Variants in ITPR2 observed in about 807,000 individuals in gnomAD.
ITPR2 encodes the protein inositol 1,4,5-trisphosphate-gated calcium channel ITPR2.
A neutral mutation model predicts 317.1 loss-of-function variants in ITPR2; 207 were observed. The observed-to-expected ratio is 0.65, with a 90% CI of 0.58 to 0.73. The LOEUF is 0.73. Ranked by LOEUF, ITPR2 falls within the 30% of genes least tolerant of loss-of-function variation. The probability of loss-of-function intolerance (pLI) is 0.00; values close to 1 mark genes in which losing one functional copy is unlikely to be tolerated. For synonymous variants in ITPR2, 1,156 were observed against 1,149.1 expected, an observed-to-expected ratio of 1.01 and a Z score of -0.12; for missense variants, 2,613 against 3,284.0, an observed-to-expected ratio of 0.80 and a Z score of 4.99.
chr12:26,414,764 C>T (rs981142110), intron 51 of ITPR2, among the ~76,000 whole-genome samples: 2 of 152,126 alleles, frequency 1.3e-5, no homozygotes, highest in African/African-American at 4.8e-5. Context: ...AAGTCACACA[C>T]TGATAGATTT....
intron 45 of ITPR2, among the ~76,000 whole-genome samples, chr12:26,455,934 C>T (rs1232057459): frequency 6.6e-6 from 1 of 152,148 alleles, no homozygotes; most frequent in Non-Finnish European, 1.5e-5. Context: ...GCAATATTAA[C>T]ATAACATAAA....
chr12:26,583,985 A>C (rs1265346636), intron 32 of ITPR2, among the ~76,000 whole-genome samples: 2 of 152,344 alleles, frequency 1.3e-5, no homozygotes, highest in Non-Finnish European at 2.9e-5. Flanking sequence ...AAATTATTAA[A>C]TTGAAGCTAC....
intron 36 of ITPR2, among the ~76,000 whole-genome samples, chr12:26,550,655 T>C (rs1944501476): frequency 6.6e-6 from 1 of 151,878 alleles, no homozygotes; most frequent in Non-Finnish European, 1.5e-5. Context: ...CCCCAATATA[T>C]GAACTAAAAC....
intron 2 of ITPR2, among the ~76,000 whole-genome samples, chr12:26,748,052 TTTTG>T (rs1949353508): frequency 6.6e-6 from 1 of 152,034 alleles, no homozygotes; most frequent in Admixed American, 6.6e-5. Context: ...CCTAAGAGCT[TTTTG>T]TTTGTTTGTT....
At chr12:26,444,726 T>A (rs1302628628) in intron 45 of ITPR2, among the ~76,000 whole-genome samples, 3 of 123,016 alleles carry the variant, frequency 2.4e-5, no homozygotes, top group Non-Finnish European at 5.1e-5. Flanking sequence ...CAATTATTAT[T>A]ATAATCATGG....
At chr12:26,829,289 A>G (rs1157867844) in intron 1 of ITPR2, among the ~76,000 whole-genome samples, 4 of 152,068 alleles carry the variant, frequency 2.6e-5, no homozygotes, top group Non-Finnish European at 5.9e-5. Context: ...CTATATTTTT[A>G]TGCATCATAA....
In ITPR2 at chr12:26,724,537, A is replaced by C. The variant is rs917691533; in HGVS notation, c.366+119T>G. 3.5e-5 allele frequency: 24 copies of C among 685,184 alleles called. No individual in the cohort carries two copies. The African/African-American group carries it at 4.3e-4, about 12-fold the overall frequency. 42.4% of individuals were successfully genotyped at this position (685,184 alleles called of 1,614,324 possible). A position where few individuals can be genotyped will look rare whatever the true frequency, so the allele number is the denominator to read the frequency against. On this transcript the variant is annotated intron_variant, in intron 4 of 56. Transcript: ENST00000381340. ...CATCACAATACGTCACAACATCGAT[A>C]ATTCCCATCAAAGAACAAACTTCCT... is the stretch of plus-strand genomic sequence containing the variant.
chr12:26,668,617 T>C (rs751320938), intron 13 of ITPR2, among the ~76,000 whole-genome samples: 9 of 152,298 alleles, frequency 5.9e-5, no homozygotes, highest in African/African-American at 1.2e-4. Context: ...AAAGCTGACA[T>C]TGAGGAAGAT....
intron 26 of ITPR2, among the ~76,000 whole-genome samples, chr12:26,617,179 G>A (rs1031520907): frequency 6.6e-6 from 1 of 151,976 alleles, no homozygotes; most frequent in African/African-American, 2.4e-5. Context: ...ATAAAACTCT[G>A]GAAAGATTGA....
intron 34 of ITPR2, among the ~76,000 whole-genome samples, chr12:26,563,399 A>G (rs1372769665): frequency 3.3e-5 from 5 of 152,110 alleles, no homozygotes; most frequent in African/African-American, 9.7e-5. Context: ...GTGAAACCCC[A>G]TCTCTACTAA....
At chr12:26,434,378 A>G (rs766837722) in intron 48 of ITPR2, among the ~76,000 whole-genome samples, 16 of 152,186 alleles carry the variant, frequency 1.1e-4, no homozygotes, top group Non-Finnish European at 1.5e-4. Flanking sequence ...TATTATTATC[A>G]GTATTACTAT....
At chr12:26,544,122 TTAAC>T (rs1307912968) in intron 37 of ITPR2, among the ~76,000 whole-genome samples, 1 of 152,180 alleles carries the variant, frequency 6.6e-6, no homozygotes, top group African/African-American at 2.4e-5. Flanking sequence ...ATACTATAGC[TTAAC>T]TAACTATATG....
chr12:26,431,002 T>C (rs1315150233), intron 48 of ITPR2, among the ~76,000 whole-genome samples: 1 of 152,196 alleles, frequency 6.6e-6, no homozygotes, highest in Non-Finnish European at 1.5e-5. Context: ...GCCTTATTCA[T>C]TTCTTGGTCC....
chr12:26,528,671 G>T lies in ITPR2; in HGVS notation c.5073+21576C>A, dbSNP rs117995827. Among the ~76,000 whole-genome samples the T allele has an allele frequency of 2.3e-3, 354 of 152,314 alleles. 10 individuals are homozygous for T. The East Asian group carries it at 0.055, about 23-fold the overall frequency. On this transcript the variant is annotated intron_variant, in intron 37 of 56. Transcript: ENST00000381340. Reference sequence around the variant, plus strand: ...CTTTTGATATTGCTGTCATCAAGAAGCTCAGAATATCATGCAAAGGGGGAC... The same window carrying T: ...CTTTTGATATTGCTGTCATCAAGAATCTCAGAATATCATGCAAAGGGGGAC...
intron 9 of ITPR2, among the ~76,000 whole-genome samples, chr12:26,704,668 T>G (rs866898611): frequency 6.6e-6 from 1 of 152,114 alleles, no homozygotes; most frequent in African/African-American, 2.4e-5. Flanking sequence ...CAAACAGACT[T>G]AATATTTATT....
intron 55 of ITPR2, among the ~76,000 whole-genome samples, chr12:26,347,448 C>T (rs1420810659): frequency 6.6e-6 from 1 of 152,102 alleles, no homozygotes; most frequent in African/African-American, 2.4e-5. Flanking sequence ...ATGACCGATA[C>T]CCACAATTCC....
At chr12:26,564,365 C>T (rs562083460) in intron 34 of ITPR2, among the ~76,000 whole-genome samples, 1 of 152,272 alleles carries the variant, frequency 6.6e-6, no homozygotes, top group East Asian at 1.9e-4. Context: ...GACACATGTA[C>T]ATCTCCAAAT....
At chr12:26,396,954 C>A (rs1476321880) in intron 54 of ITPR2, among the ~76,000 whole-genome samples, 1 of 152,196 alleles carries the variant, frequency 6.6e-6, no homozygotes, top group African/African-American at 2.4e-5. Context: ...TGCCTTCTAT[C>A]CTTAATACTG....
chr12:26,822,752 T>G (rs1444674379), intron 1 of ITPR2, among the ~76,000 whole-genome samples: 1 of 152,204 alleles, frequency 6.6e-6, no homozygotes, highest in African/African-American at 2.4e-5. Context: ...CTAGCCTCAT[T>G]ATCTCAGGTC....
Sources: allele counts gnomAD v4.1 joint callset (sites outside exome capture counted in the v4.1 genomes callset), GRCh38; gene constraint gnomAD v4.1.1; transcripts MANE v1.5; gene names NCBI Gene and HGNC (gene_info 2026-07-23, HGNC 2026-07-21).